The following PRDM15 variants were observed in gnomAD, a reference collection of about 807,000 sequenced individuals.
PRDM15 encodes PR domain zinc finger protein 15.
PRDM15 carries 64 observed loss-of-function variants against 128.6 expected under a neutral mutation model. The observed-to-expected ratio is 0.50, with a 90% confidence interval of 0.41 to 0.61. The LOEUF (loss-of-function observed/expected upper bound fraction) is 0.61, where lower values mean the gene tolerates loss of function less well. Among genes scored for constraint, PRDM15 ranks in the 20% least tolerant of loss-of-function variants. The pLI is 0.00. For missense variants in PRDM15, 1,242 were observed against 1,569.1 expected (o/e 0.79, Z 3.52); for synonymous variants, 615 against 621.8 (o/e 0.99, Z 0.16).
intron 18 of PRDM15, among the ~76,000 whole-genome samples, chr21:41,817,080 A>T (rs549469385): frequency 6.6e-6 from 1 of 152,324 alleles, no homozygotes; most frequent in Admixed American, 6.5e-5. Flanking sequence ...CATTGGTGAC[A>T]GTAATGTTTT....
intron 11 of PRDM15, among the ~76,000 whole-genome samples, chr21:41,830,401 C>T (rs1447305585): frequency 6.6e-6 from 1 of 151,196 alleles, no homozygotes; most frequent in African/African-American, 2.5e-5. Flanking sequence ...ATACACACAC[C>T]ACACATAAAT....
intron 1 of PRDM15, among the ~76,000 whole-genome samples, chr21:41,874,525 A>ATATTTTTTTTTTT: frequency 7.2e-4 from 69 of 95,802 alleles, no homozygotes; most frequent in African/African-American, 2.6e-3. Flanking sequence ...ATATATATAT[A>ATATTTTTTTTTTT]TTTTTTTTTT....
chr21:41,850,329 G>GCCCC (rs2063390623), intron 5 of PRDM15, among the ~76,000 whole-genome samples: 1 of 80,638 alleles, frequency 1.2e-5, no homozygotes, highest in Admixed American at 1.7e-4. Flanking sequence ...CTCCTCCTGG[G>GCCCC]CCTCATGCTC....
Position 41,839,765 on chromosome 21 carries a change from T to A in PRDM15, c.729A>T (p.Thr243=), listed in dbSNP as rs750641383. 4 of 1,614,120 alleles carry A rather than the reference T, an allele frequency of 2.5e-6. No individual in the cohort carries two copies. The highest frequency in any genetic ancestry group is 3.4e-6 in the Non-Finnish European group (4 of 1,180,054). The change falls in exon 7 of 24, where the codon ACA becomes ACT. Residue 243 remains threonine (T), a synonymous_variant. Transcript: ENST00000398548. Reference sequence around the variant, plus strand: ...GCACTGCAGGGGGTTCCCCCCGGGGTGTGTCCTGCTCCTTCTCGGGAGCTG... The same window carrying A: ...GCACTGCAGGGGGTTCCCCCCGGGGAGTGTCCTGCTCCTTCTCGGGAGCTG... ...EAAAPEKEQD[T]PRGEPPAVPE... is the part of the protein sequence containing the mutation.
chr21:41,856,846 C>T (rs760652169), intron 4 of PRDM15, among the ~76,000 whole-genome samples: 11 of 152,216 alleles, frequency 7.2e-5, no homozygotes, highest in African/African-American at 9.6e-5. Flanking sequence ...GAGCGATGGG[C>T]CCCTGCAAGA....
chr21:41,831,606 G>A (rs1306263220), intron 11 of PRDM15, among the ~76,000 whole-genome samples: 2 of 152,192 alleles, frequency 1.3e-5, no homozygotes, highest in African/African-American at 4.8e-5. Flanking sequence ...AGAGCCAGGC[G>A]CTCTCAACTC....
At chr21:41,853,706 T>A (rs2063496349) in intron 5 of PRDM15, among the ~76,000 whole-genome samples, 1 of 152,172 alleles carries the variant, frequency 6.6e-6, no homozygotes, top group Non-Finnish European at 1.5e-5. Flanking sequence ...TCAGCAGGAA[T>A]GCTAGATTTG....
At chr21:41,848,846 A>G (rs1170653126) in intron 5 of PRDM15, among the ~76,000 whole-genome samples, 2 of 152,240 alleles carry the variant, frequency 1.3e-5, no homozygotes, top group Non-Finnish European at 2.9e-5. Context: ...TTTTCCGAAT[A>G]GTAATTGTAA....
chr21:41,836,086 G>A, intron 10 of PRDM15, 27 bp downstream of exon 10: 1 of 1,546,598 alleles, frequency 6.5e-7, no homozygotes, highest in Non-Finnish European at 8.9e-7. Context: ...CAACTGGGAA[G>A]AGAACCCTGG....
chr21:41,834,264 C>A (rs1171185447), intron 11 of PRDM15, among the ~76,000 whole-genome samples: 1 of 152,118 alleles, frequency 6.6e-6, no homozygotes, highest in Non-Finnish European at 1.5e-5. Flanking sequence ...AATAGGAGCC[C>A]TCAGAGTAGA....
chr21:41,802,172 G>A (rs1325510170), intron 23 of PRDM15, among the ~76,000 whole-genome samples: 13 of 152,158 alleles, frequency 8.5e-5, no homozygotes, highest in Admixed American at 8.5e-4. Flanking sequence ...AACTTTTGCA[G>A]TCAAGATTAC....
intron 11 of PRDM15, 83 bp downstream of exon 11, chr21:41,835,354 G>A (rs2062836305): frequency 9.2e-7 from 1 of 1,082,048 alleles, no homozygotes; most frequent in South Asian, 1.3e-5. Context: ...TCTTTACTTT[G>A]GCCTAAAGTT....
intron 6 of PRDM15, among the ~76,000 whole-genome samples, chr21:41,842,842 T>C (rs1431908318): frequency 6.9e-6 from 1 of 145,786 alleles, no homozygotes; most frequent in Non-Finnish European, 1.5e-5. Flanking sequence ...TGGAGTGCAG[T>C]GGTGCAATCT....
chr21:41,826,076 G>A (rs2062460303), intron 12 of PRDM15, 22 bp from the exon 13 acceptor site: 12 of 1,588,440 alleles, frequency 7.6e-6, no homozygotes, highest in Non-Finnish European at 1.0e-5. Context: ...AACCCCACCA[G>A]CAAGACAGTG....
Position 41,859,688 on chromosome 21 carries a change from G to A in PRDM15, c.38-3C>T, listed in dbSNP as rs1297409849. 4 of 1,613,156 alleles carry A rather than the reference G, an allele frequency of 2.5e-6. No homozygotes were observed. In the African/African-American group the frequency reaches 4.0e-5, roughly 16 times the overall value. ...GTACTGGCTGCAGTCTTCACACCCT[G>A]CAAGCAGACATCCGGGCATTAGAGC... On this transcript the variant is annotated splice_region_variant and splice_polypyrimidine_tract_variant and intron_variant, in intron 2 of 23. Transcript: ENST00000398548. The surrounding 1 kb of genome is among the most constrained non-coding windows in gnomAD (Gnocchi z 5.3).
chr21:41,818,915 T>G (rs1335844125), intron 18 of PRDM15, among the ~76,000 whole-genome samples: 2 of 152,240 alleles, frequency 1.3e-5, no homozygotes, highest in Non-Finnish European at 2.9e-5. Context: ...TGAAGATTCC[T>G]CGGCCGTGGT....
At chr21:41,873,045 C>G (rs1217544116) in intron 1 of PRDM15, among the ~76,000 whole-genome samples, 1 of 152,158 alleles carries the variant, frequency 6.6e-6, no homozygotes, top group East Asian at 1.9e-4. Context: ...TTCACCGGGT[C>G]AGACCAACAA....
chr21:41,873,344 C>T (rs1450651102), intron 1 of PRDM15, among the ~76,000 whole-genome samples: 1 of 152,198 alleles, frequency 6.6e-6, no homozygotes, highest in Non-Finnish European at 1.5e-5. Flanking sequence ...TCTACCCTCA[C>T]ACCTCGGTTA....
intron 5 of PRDM15, among the ~76,000 whole-genome samples, chr21:41,852,211 G>A (rs2063450112): frequency 6.6e-6 from 1 of 152,246 alleles, no homozygotes; most frequent in Non-Finnish European, 1.5e-5. Context: ...TTAGCCTTGA[G>A]GGTGGTGAGG....
Sources: allele counts gnomAD v4.1 joint callset (sites outside exome capture counted in the v4.1 genomes callset), GRCh38; gene constraint gnomAD v4.1.1; non-coding constraint Gnocchi (gnomAD v3.1); transcripts MANE v1.5; gene names NCBI Gene and HGNC (gene_info 2026-07-23, HGNC 2026-07-21).